The following RTL9 variants were observed in gnomAD, a reference collection of about 807,000 sequenced individuals.
The protein encoded by RTL9 is retrotransposon Gag like 9, also known as retrotransposon Gag-like protein 9.
In RTL9, 19 loss-of-function variants were observed where a neutral mutation model predicts 44.7. The observed-to-expected ratio is 0.42, with a 90% CI of 0.30 to 0.62. The LOEUF is 0.62. Ranked by LOEUF, RTL9 falls within the 20% of genes least tolerant of loss-of-function variation. The pLI, the probability that RTL9 is intolerant of heterozygous loss-of-function variation, is 0.16. For missense variants in RTL9, 1,105 were observed against 1,080.6 expected, an observed-to-expected ratio of 1.02 and a Z score of -0.32; for synonymous variants, 407 against 398.9, an observed-to-expected ratio of 1.02 and a Z score of -0.24.
intron 1 of RTL9, among the ~76,000 whole-genome samples, chrX:110,374,216 C>T (rs1257491383): frequency 8.9e-6 from 1 of 112,065 alleles, no homozygotes; most frequent in African/African-American, 3.2e-5. Context: ...CAGGGTGAAA[C>T]TGTAGAACAT....
chrX:110,375,064 G>C (rs2068366971), intron 1 of RTL9, among the ~76,000 whole-genome samples: 1 of 111,565 alleles, frequency 9.0e-6, no homozygotes, highest in Admixed American at 9.5e-5. Context: ...TACTGGATAG[G>C]TTATATAGCA....
chrX:110,397,974 A>G (rs1380405209), intron 1 of RTL9, among the ~76,000 whole-genome samples: 1 of 112,277 alleles, frequency 8.9e-6, no homozygotes, highest in Non-Finnish European at 1.9e-5. Context: ...TGGAGCACGA[A>G]CCCGCTTCCT....
At chrX:110,446,733 G>T (rs1026767130), upstream of RTL9, among the ~76,000 whole-genome samples, 5 of 111,338 alleles carry the variant, frequency 4.5e-5, no homozygotes, top group African/African-American at 1.6e-4. Flanking sequence ...GTACACATTA[G>T]AATATATTTT....
chrX:110,425,137 T>C (rs962785879), intron 1 of RTL9, among the ~76,000 whole-genome samples: 1 of 111,801 alleles, frequency 8.9e-6, no homozygotes, highest in Non-Finnish European at 1.9e-5. Context: ...CGCCTGAAAA[T>C]TAAAATTAAA....
chrX:110,447,111 C>CTTTTTTTTTT (rs1181988453), upstream of RTL9, among the ~76,000 whole-genome samples: 428 of 36,849 alleles, frequency 0.012, 15 homozygotes, highest in African/African-American at 0.019. Flanking sequence ...TATTCTGTGA[C>CTTTTTTTTTT]TTTTTTTTTT....
chrX:110,419,560 A>T (rs1173146653), intron 1 of RTL9, among the ~76,000 whole-genome samples: 1 of 112,565 alleles, frequency 8.9e-6, no homozygotes, highest in Admixed American at 9.3e-5. Context: ...GAGGACAGGG[A>T]CCTTGTCTGT....
chrX:110,376,798 G>T (rs2068379794), intron 1 of RTL9, among the ~76,000 whole-genome samples: 1 of 112,429 alleles, frequency 8.9e-6, no homozygotes, highest in African/African-American at 3.2e-5. Context: ...CTGCCTTGCA[G>T]AGGTGTGGGG....
exon 2 of RTL9, chrX:110,455,928 T>C (rs1308312390): frequency 8.9e-6 from 1 of 112,842 alleles, no homozygotes; most frequent in Non-Finnish European, 1.9e-5. Context: ...GTGACAGGCA[T>C]TGGGCTAAAC....
At chrX:110,396,448 G>A (rs1281299123) in intron 1 of RTL9, among the ~76,000 whole-genome samples, 2 of 111,089 alleles carry the variant, frequency 1.8e-5, no homozygotes, top group Non-Finnish European at 3.8e-5. Context: ...CCCCCCCATC[G>A]CCAAACTAAC....
chrX:110,391,540 C>T (rs886309454), intron 1 of RTL9, among the ~76,000 whole-genome samples: 1 of 111,975 alleles, frequency 8.9e-6, no homozygotes, highest in Non-Finnish European at 1.9e-5. Flanking sequence ...TTGCACATTC[C>T]TACCTCTGGC....
chrX:110,422,310 G>T (rs1057025059), intron 1 of RTL9, among the ~76,000 whole-genome samples: 1 of 112,686 alleles, frequency 8.9e-6, no homozygotes, highest in Non-Finnish European at 1.9e-5. Context: ...GCCTTTTGTT[G>T]TCCTTACCTG....
At chrX:110,381,164 A>C (rs1342889832) in intron 1 of RTL9, among the ~76,000 whole-genome samples, 1 of 112,257 alleles carries the variant, frequency 8.9e-6, no homozygotes, top group Non-Finnish European at 1.9e-5. Context: ...GAACTGGATA[A>C]AATATTCATA....
chrX:110,408,313 C>T (rs2068616915), intron 1 of RTL9, among the ~76,000 whole-genome samples: 1 of 111,938 alleles, frequency 8.9e-6, no homozygotes. Context: ...AGACTGGTGG[C>T]TCTCAACTGA....
chrX:110,420,531 G>A (rs1332168853), intron 1 of RTL9, among the ~76,000 whole-genome samples: 1 of 111,854 alleles, frequency 8.9e-6, no homozygotes, highest in Non-Finnish European at 1.9e-5. Context: ...CAGAGCAAGG[G>A]GCTTGATCCA....
chrX:110,407,724 A>G (rs930149730), intron 1 of RTL9, among the ~76,000 whole-genome samples: 1 of 112,287 alleles, frequency 8.9e-6, no homozygotes, highest in African/African-American at 3.2e-5. Flanking sequence ...GTTTGGGGCT[A>G]TCTGTGTGAG....
intron 1 of RTL9, among the ~76,000 whole-genome samples, chrX:110,423,053 C>T (rs967735724): frequency 8.9e-6 from 1 of 112,109 alleles, no homozygotes; most frequent in Non-Finnish European, 1.9e-5. Context: ...GGAGGCCGGG[C>T]GCGGTGTCTC....
At chrX:110,405,096 C>T (rs116827927) in intron 1 of RTL9, among the ~76,000 whole-genome samples, 7 of 99,591 alleles carry the variant, frequency 7.0e-5, no homozygotes, top group African/African-American at 1.1e-4. Flanking sequence ...TGTCCCCCCC[C>T]CCCCCAAGCA....
upstream of RTL9, among the ~76,000 whole-genome samples, chrX:110,417,901 G>A (rs2068689219): frequency 8.9e-6 from 1 of 112,572 alleles, no homozygotes; most frequent in African/African-American, 3.2e-5. Context: ...TTTGAAACCA[G>A]GTCATTCCAG....
chrX:110,363,755 A>C (rs1189851929), intron 1 of RTL9, among the ~76,000 whole-genome samples: 1 of 111,476 alleles, frequency 9.0e-6, no homozygotes, highest in Non-Finnish European at 1.9e-5. Flanking sequence ...ATCATCCCAC[A>C]CCATATACTA....
Sources: gnomAD v4.1 joint callset for allele counts (sites outside exome capture counted in the v4.1 genomes callset) on GRCh38, gnomAD v4.1.1 for gene constraint, MANE v1.5 for transcripts, NCBI Gene and HGNC (gene_info 2026-07-23, HGNC 2026-07-21) for gene names.